Variants in PLCB1 observed in about 807,000 individuals in gnomAD.
PLCB1 encodes the protein phospholipase C beta 1.
A neutral mutation model predicts 161.8 loss-of-function variants in PLCB1; 46 were observed. The observed-to-expected ratio is 0.28, with a 90% CI of 0.22 to 0.36. The LOEUF is 0.36. Among genes scored for constraint, PLCB1 ranks in the 10% least tolerant of loss-of-function variants. The pLI is 1.00. For missense variants in PLCB1, 1,016 were observed against 1,472.5 expected (o/e 0.69, Z 5.07); for synonymous variants, 517 against 503.7 (o/e 1.03, Z -0.35).
At chr20:8,602,549 T>A (rs1987622618) in intron 3 of PLCB1, among the ~76,000 whole-genome samples, 1 of 152,158 alleles carries the variant, frequency 6.6e-6, no homozygotes, top group Non-Finnish European at 1.5e-5. Context: ...TTCTTCAGAA[T>A]CCTAATTGAG....
In PLCB1 at chr20:8,297,708, A is replaced by T. The variant is rs1434118766; in HGVS notation, c.178-73674A>T. On this transcript the variant is annotated intron_variant, in intron 2 of 31. Transcript: ENST00000338037. ...AAGGATTTTAAAAGGTGAGGCATAG[A>T]CATCACTGTTAGAAATAACAGCAGG... is the stretch of plus-strand genomic sequence containing the variant. Among the ~76,000 whole-genome samples, 3 of 152,116 alleles carry T rather than the reference A, an allele frequency of 2.0e-5. No homozygotes were observed. In the East Asian group the frequency reaches 5.8e-4, roughly 29 times the overall value.
At position 8,811,031 on chromosome 20, in the gene PLCB1, G is replaced by T. The variant is rs148132664; in HGVS notation, c.3423+20770G>T. 1.1e-4 allele frequency among the ~76,000 whole-genome samples: 17 copies of T among 152,258 alleles called. No homozygotes were observed. In the East Asian group the frequency reaches 3.3e-3, roughly 29 times the overall value. ...AAAAAGCAAGTGAGAAACAAAAAAGGGACCACCTATGAGGTAGGAGGAAAA... is the reference window on the plus strand; with the variant it reads ...AAAAAGCAAGTGAGAAACAAAAAAGTGACCACCTATGAGGTAGGAGGAAAA... On this transcript the variant is annotated intron_variant, in intron 31 of 31. Coordinates refer to ENST00000338037, the MANE Select transcript of PLCB1 (RefSeq NM_015192.4).
intron 2 of PLCB1, among the ~76,000 whole-genome samples, chr20:8,285,100 T>A (rs1202056951): frequency 6.6e-6 from 1 of 151,934 alleles, no homozygotes; most frequent in African/African-American, 2.4e-5. Flanking sequence ...TCTCATTCTC[T>A]GGCATTTTTG....
intron 2 of PLCB1, among the ~76,000 whole-genome samples, chr20:8,207,865 G>C (rs1978616058): frequency 6.6e-6 from 1 of 152,172 alleles, no homozygotes; most frequent in Non-Finnish European, 1.5e-5. Context: ...ACAGGCATGA[G>C]CCACCTGCCT....
At chr20:8,525,606 C>G (rs1984555968) in intron 3 of PLCB1, among the ~76,000 whole-genome samples, 1 of 152,142 alleles carries the variant, frequency 6.6e-6, no homozygotes, top group Non-Finnish European at 1.5e-5. Flanking sequence ...TCACTATACA[C>G]AAACACTGGA....
At chr20:8,810,184 T>A (rs1984743347) in intron 31 of PLCB1, among the ~76,000 whole-genome samples, 1 of 152,190 alleles carries the variant, frequency 6.6e-6, no homozygotes, top group Non-Finnish European at 1.5e-5. Flanking sequence ...TAATACCATC[T>A]GGCAGAACTC....
chr20:8,324,720 G>A lies in PLCB1; in HGVS notation c.178-46662G>A, dbSNP rs867814231. On this transcript the variant is annotated intron_variant, in intron 2 of 31. Coordinates refer to ENST00000338037, the MANE Select transcript of PLCB1 (RefSeq NM_015192.4). Reference sequence around the variant, plus strand: ...ATAAAAGTGTAAGCTCTGCCAAGGGGCATTTTCTCATTGGCTTTCAGTGTT... The same window carrying A: ...ATAAAAGTGTAAGCTCTGCCAAGGGACATTTTCTCATTGGCTTTCAGTGTT... Among the ~76,000 whole-genome samples, 22 of 152,254 alleles carry A rather than the reference G, an allele frequency of 1.4e-4. 1 individual carries two copies. Among genetic ancestry groups the A allele is most frequent in the African/African-American group, 4.3e-4 (18 of 41,546 alleles).
chr20:8,509,371 T>TTTGA, intron 3 of PLCB1, among the ~76,000 whole-genome samples: 1 of 152,346 alleles, frequency 6.6e-6, no homozygotes, highest in South Asian at 2.1e-4. Context: ...GAAGTCATAA[T>TTTGA]TTGAGCTGAA....
intron 2 of PLCB1, among the ~76,000 whole-genome samples, chr20:8,179,470 T>C (rs2051816114): frequency 6.6e-6 from 1 of 152,182 alleles, no homozygotes; most frequent in Non-Finnish European, 1.5e-5. Flanking sequence ...GCTACCGAAT[T>C]TCATACATTG....
chr20:8,818,341 A>G (rs376420045), intron 31 of PLCB1, among the ~76,000 whole-genome samples: 2 of 152,228 alleles, frequency 1.3e-5, no homozygotes, highest in African/African-American at 4.8e-5. Flanking sequence ...GGATACAGTG[A>G]GGACTGAGGG....
At position 8,729,125 on chromosome 20, in the gene PLCB1, C is replaced by G. The variant is rs756005851; in HGVS notation, c.1839C>G (p.Leu613=). The G allele has an allele frequency of 4.3e-6, 7 of 1,612,472 alleles. No individual in the cohort carries two copies. Among genetic ancestry groups the G allele is most frequent in the East Asian group, 2.2e-5 (1 of 44,830 alleles). Residue 613 remains leucine, a synonymous_variant, in exon 18 of 32, where the codon CTC becomes CTG. Transcript: ENST00000338037. ...RVDSSNYMPQ[L]FWNAGCQMVA... ...ATTCATCCAACTATATGCCTCAGCTCTTCTGGAATGCAGGTTGTCAGATGG... is the reference window on the plus strand; with the variant it reads ...ATTCATCCAACTATATGCCTCAGCTGTTCTGGAATGCAGGTTGTCAGATGG...
intron 2 of PLCB1, among the ~76,000 whole-genome samples, chr20:8,312,711 C>A (rs949067065): frequency 6.6e-6 from 1 of 152,132 alleles, no homozygotes; most frequent in African/African-American, 2.4e-5. Flanking sequence ...TACACCCATT[C>A]CATCTGTAGA....
chr20:8,399,425 T>A (rs1978447958), intron 3 of PLCB1, among the ~76,000 whole-genome samples: 1 of 152,208 alleles, frequency 6.6e-6, no homozygotes, highest in Non-Finnish European at 1.5e-5. Flanking sequence ...TATATAATGT[T>A]TCCTTCCATG....
intron 3 of PLCB1, among the ~76,000 whole-genome samples, chr20:8,575,657 G>C (rs1274961145): frequency 6.6e-6 from 1 of 152,228 alleles, no homozygotes; most frequent in Non-Finnish European, 1.5e-5. Flanking sequence ...CCTCACCGAA[G>C]AGTGCTAACA....
rs377053037 is a variant in PLCB1 at position 8,740,440 on chromosome 20, C to T, written c.2405C>T (p.Thr802Ile). ...GAAGTGAAAGACTATGTGCCAGACA[C>T]ATATGCAGGTAAACAACTTAACTCA... ...YIEVKDYVPDTYADVIEALSN... is the reference protein window; with the variant it reads ...YIEVKDYVPDIYADVIEALSN... The change falls in exon 22 of 32, where the codon ACA becomes ATA. Residue 802 changes from threonine (T) to isoleucine (I), a missense_variant. Around this residue, in one of 10 missense-constraint regions of PLCB1, gnomAD observed 75 missense variants for 117.0 expected, o/e 0.64. Coordinates refer to ENST00000338037, the MANE Select transcript of PLCB1 (RefSeq NM_015192.4). 9 of 1,558,152 alleles carry T rather than the reference C, an allele frequency of 5.8e-6. No homozygotes were observed. Among genetic ancestry groups the T allele is most frequent in the Non-Finnish European group, 7.8e-6 (9 of 1,148,236 alleles).
chr20:8,240,594 T>A (rs909619995), intron 2 of PLCB1, among the ~76,000 whole-genome samples: 1 of 152,006 alleles, frequency 6.6e-6, no homozygotes, highest in Non-Finnish European at 1.5e-5. Flanking sequence ...GTATTGGCCT[T>A]CTTTGGGATA....
chr20:8,203,411 T>A (rs1314439158), intron 2 of PLCB1, among the ~76,000 whole-genome samples: 1 of 152,154 alleles, frequency 6.6e-6, no homozygotes, highest in Non-Finnish European at 1.5e-5. Flanking sequence ...TAATTTCCAG[T>A]GTAGTGATGA....
intron 3 of PLCB1, among the ~76,000 whole-genome samples, chr20:8,458,570 T>C (rs968081133): frequency 6.6e-6 from 1 of 152,196 alleles, no homozygotes; most frequent in Non-Finnish European, 1.5e-5. Context: ...CCTTCACTCT[T>C]AACCACTATG....
intron 2 of PLCB1, among the ~76,000 whole-genome samples, chr20:8,315,732 C>G (rs750694141): frequency 5.9e-5 from 9 of 152,122 alleles, no homozygotes; most frequent in Admixed American, 3.3e-4. Flanking sequence ...TCCTGCTATT[C>G]TGCCCCAAGA....
Sources: allele counts gnomAD v4.1 joint callset (sites outside exome capture counted in the v4.1 genomes callset), GRCh38; gene constraint gnomAD v4.1.1; regional missense constraint gnomAD v4.1.1; transcripts MANE v1.5; gene names NCBI Gene and HGNC (gene_info 2026-07-23, HGNC 2026-07-21).